Variants in PSPC1 observed in about 807,000 individuals in gnomAD.
The protein encoded by PSPC1 is paraspeckle component 1, also known as paraspeckle protein 1.
PSPC1 carries 14 observed loss-of-function variants against 51.6 expected under a neutral mutation model. That is an observed-to-expected ratio of 0.27 (90% CI 0.18 to 0.42). The LOEUF (loss-of-function observed/expected upper bound fraction) is 0.42. Ranked by LOEUF, PSPC1 falls within the 10% of genes least tolerant of loss-of-function variation. PSPC1 has a pLI of 1.00. For missense variants in PSPC1, 406 were observed against 701.1 expected (o/e 0.58, Z 4.75); for synonymous variants, 193 against 231.9 (o/e 0.83, Z 1.53).
intron 5 of PSPC1, among the ~76,000 whole-genome samples, chr13:19,740,183 A>G (rs1032750712): frequency 1.3e-5 from 2 of 152,144 alleles, no homozygotes; most frequent in Admixed American, 6.6e-5. Flanking sequence ...GTCTCTACTA[A>G]AAGTACAAAA....
chr13:19,782,937 C>A lies in PSPC1; in HGVS notation c.-180G>T. ...CTCACGCCCGCTGCAGCTGCACATTCAAAATGGCGCTGCCACAAACTGCAG... is the reference window on the plus strand; with the variant it reads ...CTCACGCCCGCTGCAGCTGCACATTAAAAATGGCGCTGCCACAAACTGCAG... On this transcript the variant is annotated 5_prime_UTR_variant, in exon 1 of 9. Coordinates refer to ENST00000338910, the MANE Select transcript of PSPC1 (RefSeq NM_001354909.2). The surrounding 1 kb of genome is among the most constrained non-coding windows in gnomAD (Gnocchi z 4.5). 1 of 574,446 alleles carries A rather than the reference C, an allele frequency of 1.7e-6. No individual in the cohort carries two copies. The highest frequency in any genetic ancestry group is 2.7e-6 in the Non-Finnish European group (1 of 371,422). 35.6% of individuals were successfully genotyped at this position (574,446 alleles called of 1,614,324 possible).
intron 2 of PSPC1, among the ~76,000 whole-genome samples, chr13:19,761,926 G>A (rs1887633722): frequency 6.6e-6 from 1 of 152,108 alleles, no homozygotes; most frequent in African/African-American, 2.4e-5. Flanking sequence ...AGAAACTTCA[G>A]AAACAGAATT....
chr13:19,716,586 C>A (rs1323726200), intron 6 of PSPC1, among the ~76,000 whole-genome samples: 1 of 152,056 alleles, frequency 6.6e-6, no homozygotes, highest in Non-Finnish European at 1.5e-5. Context: ...CAGGAATCAC[C>A]ACATGCTATT....
At chr13:19,780,401 C>T (rs1889820451) in intron 1 of PSPC1, among the ~76,000 whole-genome samples, 3 of 79,650 alleles carry the variant, frequency 3.8e-5, no homozygotes, top group African/African-American at 1.1e-4. Context: ...ATTGAGAAAT[C>T]GGATGGTTGC....
Position 19,777,798 on chromosome 13 carries a change from T to C in PSPC1, c.372+4588A>G, listed in dbSNP as rs558231621. Among the ~76,000 whole-genome samples, 10 of 151,876 alleles carry C rather than the reference T, an allele frequency of 6.6e-5. No homozygotes were observed. The South Asian group carries it at 1.9e-3, about 28-fold the overall frequency. On this transcript the variant is annotated intron_variant, in intron 1 of 8. Transcript: ENST00000338910. ...CCATCTCTACTAAAAATACAAAAAT[T>C]AGCCAGGCCTGGTGGCACACACCTG...
downstream of PSPC1, among the ~76,000 whole-genome samples, chr13:19,701,888 T>G (rs934600373): frequency 3.9e-5 from 6 of 152,196 alleles, no homozygotes; most frequent in African/African-American, 1.4e-4. Flanking sequence ...TCCTTAAATG[T>G]AATTTTAAAT....
intron 6 of PSPC1, among the ~76,000 whole-genome samples, chr13:19,718,324 C>G (rs551421981): frequency 2.6e-5 from 4 of 152,250 alleles, no homozygotes; most frequent in Admixed American, 1.3e-4. Flanking sequence ...CCATGAATAT[C>G]TGGGAAAATA....
In PSPC1 at chr13:19,782,698, G is replaced by T; in HGVS notation, c.60C>A (p.Arg20=). ...TCTCGCCCACCGCGGACTCCAGGGC[G>T]CGAAGGCGGGCCGGGTTTTTCTCAA... ...VRIEKNPARL[R]ALESAVGESE... Residue 20 remains arginine, a synonymous_variant, in exon 1 of 9, where the codon CGC becomes CGA. Transcript: ENST00000338910. This position sits in a 1 kb window ranked among gnomAD's most constrained non-coding sequence, Gnocchi z 4.5. The T allele has an allele frequency of 6.4e-7, 1 of 1,571,910 alleles. No individual in the cohort carries two copies.
At chr13:19,695,074 C>T (rs1055684582) in intron 6 of PSPC1, among the ~76,000 whole-genome samples, 1 of 152,170 alleles carries the variant, frequency 6.6e-6, no homozygotes, top group East Asian at 1.9e-4. Context: ...TCAAGCACTG[C>T]TAAATTATTT....
chr13:19,671,433 C>G (rs1876120250), downstream of PSPC1: 1 of 677,854 alleles, frequency 1.5e-6, no homozygotes, highest in African/African-American at 1.8e-5. Context: ...GCTAGGTGCA[C>G]CCTCTCTCAG....
chr13:19,715,190 C>T (rs1881951476), intron 6 of PSPC1, among the ~76,000 whole-genome samples: 1 of 151,910 alleles, frequency 6.6e-6, no homozygotes, highest in South Asian at 2.1e-4. Context: ...TTGGCACCCT[C>T]AATAATTTTT....
At chr13:19,751,689 C>A (rs1362828353) in intron 3 of PSPC1, among the ~76,000 whole-genome samples, 1 of 152,198 alleles carries the variant, frequency 6.6e-6, no homozygotes, top group Non-Finnish European at 1.5e-5. Context: ...TCTGATGCCA[C>A]AACCTGCATT....
chr13:19,728,018 A>C (rs1426689446), intron 6 of PSPC1, among the ~76,000 whole-genome samples: 1 of 152,186 alleles, frequency 6.6e-6, no homozygotes, highest in Non-Finnish European at 1.5e-5. Flanking sequence ...CTAAGGAAAA[A>C]TCAAGTATTA....
downstream of PSPC1, chr13:19,673,311 T>C (rs1876261533): frequency 3.1e-6 from 1 of 322,472 alleles, no homozygotes. Flanking sequence ...TAGTTTATAA[T>C]TGTATGAAAT....
chr13:19,706,124 G>C (rs1248788649), intron 7 of PSPC1, among the ~76,000 whole-genome samples: 1 of 152,098 alleles, frequency 6.6e-6, no homozygotes, highest in East Asian at 1.9e-4. Context: ...TTTTGTAATA[G>C]CAGGCTTTTA....
At chr13:19,753,554 A>C (rs2138148474) in intron 3 of PSPC1, among the ~76,000 whole-genome samples, 1 of 152,310 alleles carries the variant, frequency 6.6e-6, no homozygotes, top group East Asian at 1.9e-4. Flanking sequence ...TTCTGCATAA[A>C]TATCTTCAAT....
chr13:19,694,691 T>C (rs889211169), intron 6 of PSPC1, among the ~76,000 whole-genome samples: 4 of 152,216 alleles, frequency 2.6e-5, no homozygotes, highest in Non-Finnish European at 5.9e-5. Context: ...ATAAAAACTT[T>C]AGTTCCTCAT....
intron 1 of PSPC1, among the ~76,000 whole-genome samples, chr13:19,775,618 G>C (rs1485528593): frequency 6.6e-6 from 1 of 151,548 alleles, no homozygotes; most frequent in African/African-American, 2.4e-5. Context: ...CAGTCGTTTT[G>C]TTTATTGCTT....
At chr13:19,748,974 C>A (rs952201329) in intron 4 of PSPC1, among the ~76,000 whole-genome samples, 1 of 151,872 alleles carries the variant, frequency 6.6e-6, no homozygotes, top group African/African-American at 2.4e-5. Context: ...CTATGGGAGG[C>A]CAAGGTGGGT....
Sources: allele counts gnomAD v4.1 joint callset (sites outside exome capture counted in the v4.1 genomes callset), GRCh38; gene constraint gnomAD v4.1.1; non-coding constraint Gnocchi (gnomAD v3.1); transcripts MANE v1.5; gene names NCBI Gene and HGNC (gene_info 2026-07-23, HGNC 2026-07-21).